Variants in LINGO2 observed in about 807,000 individuals in gnomAD.
The protein encoded by LINGO2 is leucine-rich repeat and immunoglobulin-like domain-containing nogo receptor-interacting protein 2.
Under a neutral mutation model 30.6 loss-of-function variants are expected in LINGO2, and 14 were observed. That is an observed-to-expected ratio of 0.46 (90% CI 0.30 to 0.72). The LOEUF (loss-of-function observed/expected upper bound fraction) is 0.72, where lower values mean the gene tolerates loss of function less well. LINGO2 is among the 30% of genes least tolerant of loss of function. The pLI is 0.07. For missense variants in LINGO2, 729 were observed against 751.7 expected, an observed-to-expected ratio of 0.97 and a Z score of 0.35; for synonymous variants, 317 against 288.5, an observed-to-expected ratio of 1.10 and a Z score of -1.00.
At chr9:28,292,229 C>G (rs1052282374) in intron 4 of LINGO2, among the ~76,000 whole-genome samples, 3 of 152,180 alleles carry the variant, frequency 2.0e-5, no homozygotes, top group Admixed American at 1.3e-4. Context: ...CTCCAGCTCT[C>G]ATTAGCCAAG....
chr9:28,146,648 A>T (rs542760803), intron 4 of LINGO2, among the ~76,000 whole-genome samples: 1 of 152,120 alleles, frequency 6.6e-6, no homozygotes, highest in East Asian at 1.9e-4. Flanking sequence ...AGAGTGCCCA[A>T]ATGGTTTTTC....
intron 4 of LINGO2, among the ~76,000 whole-genome samples, chr9:28,119,627 A>T (rs1827034913): frequency 6.6e-6 from 1 of 152,200 alleles, no homozygotes; most frequent in South Asian, 2.1e-4. Flanking sequence ...TTTGCCTGAT[A>T]TCTCATTCTA....
chr9:29,098,242 G>C, the LINGO2 span, among the ~76,000 whole-genome samples: 3 of 152,158 alleles, frequency 2.0e-5, no homozygotes, highest in Non-Finnish European at 4.4e-5. Flanking sequence ...GGAGATAGCA[G>C]CAATATGACA....
intron 1 of LINGO2, among the ~76,000 whole-genome samples, chr9:28,512,273 C>A (rs1477599306): frequency 6.6e-6 from 1 of 151,894 alleles, no homozygotes; most frequent in East Asian, 2.0e-4. Context: ...TCCACTAAAG[C>A]CCAGTAACAG....
chr9:29,179,901 T>A, the LINGO2 span, among the ~76,000 whole-genome samples: 1 of 152,234 alleles, frequency 6.6e-6, no homozygotes, highest in Non-Finnish European at 1.5e-5. Flanking sequence ...TAGGAACTTC[T>A]GAAGTTTTAC....
chr9:28,433,534 G>A (rs1229842436), intron 2 of LINGO2, among the ~76,000 whole-genome samples: 1 of 151,980 alleles, frequency 6.6e-6, no homozygotes, highest in Admixed American at 6.6e-5. Context: ...ATTTCTGAAA[G>A]CAAATAAAGA....
chr9:28,883,169 T>C, the LINGO2 span, among the ~76,000 whole-genome samples: 129,532 of 152,102 alleles, frequency 0.85, 55,336 homozygotes, highest in Non-Finnish European at 0.89. Context: ...GCTCTGGTCA[T>C]GTCAGTCTTC....
chr9:28,120,476 C>A (rs140115884), intron 4 of LINGO2, among the ~76,000 whole-genome samples: 3 of 152,290 alleles, frequency 2.0e-5, no homozygotes, highest in African/African-American at 7.2e-5. Context: ...ACAGGCTATA[C>A]AGAAAGGGAA....
intron 4 of LINGO2, among the ~76,000 whole-genome samples, chr9:28,038,671 C>A (rs1246364302): frequency 7.3e-6 from 1 of 137,532 alleles, no homozygotes; most frequent in African/African-American, 2.8e-5. Context: ...CCAGCCTGGG[C>A]GACAGAGCGA....
At chr9:29,003,809 A>G in the LINGO2 span, among the ~76,000 whole-genome samples, 107,776 of 151,700 alleles carry the variant, frequency 0.71, 38,849 homozygotes, top group Non-Finnish European at 0.76. Flanking sequence ...TCAATGCCAG[A>G]GCATACACAA....
At chr9:28,224,822 C>A (rs920932732) in intron 4 of LINGO2, among the ~76,000 whole-genome samples, 1 of 151,958 alleles carries the variant, frequency 6.6e-6, no homozygotes, top group Non-Finnish European at 1.5e-5. Flanking sequence ...GAAAGCAGTC[C>A]TGAGAAAACA....
At chr9:28,629,249 T>C (rs1339174142) in intron 1 of LINGO2, among the ~76,000 whole-genome samples, 1 of 152,084 alleles carries the variant, frequency 6.6e-6, no homozygotes, top group Non-Finnish European at 1.5e-5. Context: ...TGAAGCTATC[T>C]GGAAAATAGA....
At chr9:28,037,239 T>C (rs928214068) in intron 4 of LINGO2, among the ~76,000 whole-genome samples, 3 of 152,204 alleles carry the variant, frequency 2.0e-5, no homozygotes, top group Non-Finnish European at 4.4e-5. Flanking sequence ...ACAGTAGTTA[T>C]GCAACAAACA....
chr9:28,555,552 G>A (rs145032099), intron 1 of LINGO2, among the ~76,000 whole-genome samples: 3,348 of 152,016 alleles, frequency 0.022, 64 homozygotes, highest in Admixed American at 0.054. Context: ...ATTCACAGCC[G>A]ACTTCTACCA....
chr9:28,700,894 A>G, the LINGO2 span, among the ~76,000 whole-genome samples: 1 of 151,938 alleles, frequency 6.6e-6, no homozygotes, highest in Non-Finnish European at 1.5e-5. Flanking sequence ...GTAATTCACT[A>G]GTATCATATG....
chr9:28,654,982 A>C (rs572737829), intron 1 of LINGO2, among the ~76,000 whole-genome samples: 1 of 152,096 alleles, frequency 6.6e-6, no homozygotes, highest in Non-Finnish European at 1.5e-5. Context: ...GATGGAATTT[A>C]CTGAGCTACT....
intron 3 of LINGO2, among the ~76,000 whole-genome samples, chr9:28,345,710 T>C (rs976501178): frequency 5.3e-5 from 8 of 152,186 alleles, no homozygotes; most frequent in African/African-American, 1.9e-4. Flanking sequence ...CAAAGCAAAC[T>C]CTTCTTGACT....
the LINGO2 span, among the ~76,000 whole-genome samples, chr9:28,746,683 G>A: frequency 6.6e-6 from 1 of 151,716 alleles, no homozygotes; most frequent in African/African-American, 2.4e-5. Context: ...CTTTTTTGAT[G>A]TAAGATCAAG....
At chr9:28,830,210 TG>T in the LINGO2 span, among the ~76,000 whole-genome samples, 1 of 152,044 alleles carries the variant, frequency 6.6e-6, no homozygotes, top group Non-Finnish European at 1.5e-5. Context: ...CAAATGAGCA[TG>T]GAGAAAAATG....
Sources: gnomAD v4.1 joint callset for allele counts (sites outside exome capture counted in the v4.1 genomes callset) on GRCh38, gnomAD v4.1.1 for gene constraint, MANE v1.5 for transcripts, NCBI Gene and HGNC (gene_info 2026-07-23, HGNC 2026-07-21) for gene names.